Variants in TSPYL2 observed in about 807,000 individuals in gnomAD.
TSPYL2 encodes the protein testis-specific Y-encoded-like protein 2.
In TSPYL2, 9 loss-of-function variants were observed where a neutral mutation model predicts 33.0. That is an observed-to-expected ratio of 0.27 (90% CI 0.16 to 0.48). The LOEUF (loss-of-function observed/expected upper bound fraction) is 0.48. Among genes scored for constraint, TSPYL2 ranks in the 20% least tolerant of loss-of-function variants. The probability of loss-of-function intolerance (pLI) is 0.99; values close to 1 mark genes in which losing one functional copy is unlikely to be tolerated. For synonymous variants in TSPYL2, 330 were observed against 233.6 expected (o/e 1.41, Z -3.77); for missense variants, 636 against 586.2 (o/e 1.08, Z -0.88).
chrX:53,084,639 A>G lies in TSPYL2; in HGVS notation c.885+17A>G, dbSNP rs868989291. The G allele has an allele frequency of 5.8e-6, 7 of 1,201,116 alleles. No homozygotes were observed. Among genetic ancestry groups the G allele is most frequent in the South Asian group, 3.6e-5 (2 of 56,326 alleles). ...AATCTGCAGGTCAGGCCAGAGAGACATTTTTTAGTAGGATCGGGCACGAAT... is the reference window on the plus strand; with the variant it reads ...AATCTGCAGGTCAGGCCAGAGAGACGTTTTTTAGTAGGATCGGGCACGAAT... On this transcript the variant is annotated intron_variant, in intron 2 of 6. Coordinates refer to ENST00000375442, the MANE Select transcript of TSPYL2 (RefSeq NM_022117.4).
rs782126143 is a variant in TSPYL2, at chrX:53,082,711, C to A, written c.213C>A (p.Pro71=). The change falls in exon 1 of 7, where the codon CCC becomes CCA. Residue 71 remains proline (P), a synonymous_variant. Coordinates refer to ENST00000375442, the MANE Select transcript of TSPYL2 (RefSeq NM_022117.4). Reference sequence around the variant, plus strand: ...GGGTGGGACTGGGCCCCGCGCTGCCCCCGCCGCCTCCCTATGTCATTCTCG... The same window carrying A: ...GGGTGGGACTGGGCCCCGCGCTGCCACCGCCGCCTCCCTATGTCATTCTCG... ...MRGVGLGPAL[P]PPPPYVILEE... is the part of the protein sequence containing the mutation. 2 of 1,147,287 alleles carry A rather than the reference C, an allele frequency of 1.7e-6. No individual in the cohort carries two copies. Among genetic ancestry groups the A allele is most frequent in the Admixed American group, 5.9e-5 (2 of 33,640 alleles). 94.5% of individuals were successfully genotyped at this position (1,147,287 alleles called of 1,213,427 possible). A position where few individuals can be genotyped will look rare whatever the true frequency, so the allele number is the denominator to read the frequency against.
Position 53,086,136 on chromosome X carries a change from G to C in TSPYL2, c.1744G>C (p.Glu582Gln). ...EDNDGNEGDN[E>Q]GSDDDGNEGD... ...TAATGATGGCAACGAAGGTGACAAT[G>C]AGGGCAGTGATGATGATGGCAATGA... The change falls in exon 6 of 7, where the codon GAG (glutamate) becomes CAG (glutamine). Residue 582 changes from glutamate (E) to glutamine (Q), a missense_variant. Glu to Gln is a conservative substitution (Grantham distance 29, BLOSUM62 2). This residue lies in a region of TSPYL2 where 401 missense variants were observed against 363.0 expected (regional missense o/e 1.10). Coordinates refer to ENST00000375442, the MANE Select transcript of TSPYL2 (RefSeq NM_022117.4). The C allele has an allele frequency of 8.4e-7, 1 of 1,195,640 alleles. No homozygotes were observed. Among genetic ancestry groups the C allele is most frequent in the Non-Finnish European group, 1.1e-6 (1 of 887,127 alleles).
chrX:53,085,629 A>T lies in TSPYL2; in HGVS notation c.1239-2A>T, dbSNP rs901843971. Reference sequence around the variant, plus strand: ...TATACTCAGCCACAGCCTTCCTTACAGTAAAACCAGGGGCAGATGTGAGGT... The same window carrying T: ...TATACTCAGCCACAGCCTTCCTTACTGTAAAACCAGGGGCAGATGTGAGGT... On this transcript the variant is annotated splice_acceptor_variant, in intron 5 of 6. Coordinates refer to ENST00000375442, the MANE Select transcript of TSPYL2 (RefSeq NM_022117.4). LOFTEE classifies it high-confidence loss of function. 3.3e-6 allele frequency: 4 copies of T among 1,211,522 alleles called. No individual in the cohort carries two copies. The highest frequency in any genetic ancestry group is 1.8e-5 in the South Asian group (1 of 56,991).
At chrX:53,083,767 C>T (rs1192259465) in intron 1 of TSPYL2, among the ~76,000 whole-genome samples, 4 of 110,858 alleles carry the variant, frequency 3.6e-5, no homozygotes, top group South Asian at 3.8e-4. Flanking sequence ...TTGAGCCATA[C>T]AAGGCTCTGT....
At chrX:53,085,177 C>T (rs1279612680) in intron 4 of TSPYL2, 50 bp from the exon 5 acceptor site, 6 of 1,182,754 alleles carry the variant, frequency 5.1e-6, no homozygotes, top group South Asian at 3.7e-5. Flanking sequence ...AGAGGAGGAT[C>T]TGGAGCTTGT....
rs371692039 is a variant in TSPYL2 at position 53,087,770 on chromosome X, A to G, written c.1919-6A>G. ...ATTTCCCCTTCCTTGCTTCTCCCCTATGCAGGCATCCAGCAAGATGAGGAC... is the reference window on the plus strand; with the variant it reads ...ATTTCCCCTTCCTTGCTTCTCCCCTGTGCAGGCATCCAGCAAGATGAGGAC... On this transcript the variant is annotated splice_polypyrimidine_tract_variant and splice_region_variant and intron_variant, in intron 6 of 6. Transcript: ENST00000375442. The G allele has an allele frequency of 5.8e-5, 70 of 1,202,635 alleles. No homozygotes were observed. The highest frequency in any genetic ancestry group is 7.4e-5 in the Non-Finnish European group (66 of 890,783).
In TSPYL2 at chrX:53,083,101, G is replaced by A. The variant is rs782269786; in HGVS notation, c.603G>A (p.Lys201=). ...GGAGGAGGAAGCAGAGGAAGGTGAA[G>A]AGGGAAAGCAGAGAGAGAAATGCCG... The part of the protein sequence containing the change: ...RRRRRKQRKV[K]RESRERNAER... Residue 201 remains lysine, a synonymous_variant, in exon 1 of 7, where the codon AAG becomes AAA. Transcript: ENST00000375442. 7 of 1,207,482 alleles carry A rather than the reference G, an allele frequency of 5.8e-6. No homozygotes were observed. The highest frequency in any genetic ancestry group is 2.3e-4 in the Middle Eastern group (1 of 4,370).
rs1427976527 is a variant in TSPYL2, at chrX:53,085,754, C to T, written c.1362C>T (p.Asp454=). Residue 454 remains aspartate (D), a synonymous_variant, in exon 6 of 7, where the codon GAC becomes GAT. Coordinates refer to ENST00000375442, the MANE Select transcript of TSPYL2 (RefSeq NM_022117.4). The part of the protein sequence containing the change: ...DETIHDIKIS[D]FMETTDYFET... ...CAATTCATGACATCAAGATCTCTGA[C>T]TTCATGGAGACCACCGACTACTTCG... 8.3e-7 allele frequency: 1 copy of T among 1,211,411 alleles called. No homozygotes were observed. The highest frequency in any genetic ancestry group is 1.7e-5 in the African/African-American group (1 of 57,680).
rs782159478 is a variant in TSPYL2 at position 53,082,519 on chromosome X, G to A, written c.21G>A (p.Gly7=). 3.0e-5 allele frequency: 35 copies of A among 1,158,869 alleles called. No homozygotes were observed. The Admixed American group carries it at 6.9e-4, about 23-fold the overall frequency. The part of the protein sequence containing the change: MDRPDE[G]PPAKTRRLSS... ...TCGCCATGGACCGCCCAGATGAGGG[G>A]CCTCCGGCCAAGACCCGCCGCCTGA... is the stretch of plus-strand genomic sequence containing the variant. The change falls in exon 1 of 7, where the codon GGG becomes GGA. Residue 7 remains glycine (G), a synonymous_variant. Coordinates refer to ENST00000375442, the MANE Select transcript of TSPYL2 (RefSeq NM_022117.4).
At chrX:53,087,604 T>G (rs1388367964) in intron 6 of TSPYL2, 172 bp from the exon 7 acceptor site, 1 of 463,303 alleles carries the variant, frequency 2.2e-6, no homozygotes, top group Non-Finnish European at 3.7e-6. Flanking sequence ...GTGGGCTTGC[T>G]TGAGTACACC....
rs1569227313 is a variant in TSPYL2, at chrX:53,082,765, G to A, written c.267G>A (p.Thr89=). 1.7e-6 allele frequency: 2 copies of A among 1,188,502 alleles called. No individual in the cohort carries two copies. The highest frequency in any genetic ancestry group is 6.0e-5 in the East Asian group (2 of 33,253). The change falls in exon 1 of 7, where the codon ACG becomes ACA. Residue 89 remains threonine (T), a synonymous_variant. Transcript: ENST00000375442. Reference sequence around the variant, plus strand: ...AGGGGGGGATCCGCGCATACTTCACGCTCGGTGCTGAGTGTCCCGGCTGGG... The same window carrying A: ...AGGGGGGGATCCGCGCATACTTCACACTCGGTGCTGAGTGTCCCGGCTGGG... ...LEEGGIRAYF[T]LGAECPGWDS...
Position 53,086,184 on chromosome X carries a change from G to A in TSPYL2, c.1792G>A (p.Asp598Asn). 1 of 1,210,170 alleles carries A rather than the reference G, an allele frequency of 8.3e-7. No homozygotes were observed. The highest frequency in any genetic ancestry group is 1.1e-6 in the Non-Finnish European group (1 of 894,694). The stretch of plus-strand genomic sequence containing the variant: ...TGAAGGTGACAATGAAGGCAGCGAT[G>A]ATGACGACAGAGACATTGAGTACTA... ...GNEGDNEGSDDDDRDIEYYEK... is the reference protein window; with the variant it reads ...GNEGDNEGSDNDDRDIEYYEK... The change falls in exon 6 of 7, where the codon GAT becomes AAT. Residue 598 changes from aspartate to asparagine, a missense_variant. Transcript: ENST00000375442.
In TSPYL2 at chrX:53,088,231, A is replaced by G. The variant is rs1331279590; in HGVS notation, c.*292A>G. On this transcript the variant is annotated 3_prime_UTR_variant, in exon 7 of 7. Coordinates refer to ENST00000375442, the MANE Select transcript of TSPYL2 (RefSeq NM_022117.4). ...CAGGGCCCCTCTACCCACTTCTCCC[A>G]GTCAGTTGTGGCCCCAGCCCCTCTC... The G allele has an allele frequency of 1.0e-5, 3 of 295,862 alleles. No individual in the cohort carries two copies. The highest frequency in any genetic ancestry group is 1.8e-5 in the Non-Finnish European group (3 of 166,824). The allele number at this position is 295,862 out of a possible 1,213,427, so 24.4% of individuals were successfully genotyped here. A position where few individuals can be genotyped will look rare whatever the true frequency, so the allele number is the denominator to read the frequency against.
At chrX:53,085,587 C>T in intron 5 of TSPYL2, 44 bp from the exon 6 acceptor site, 2 of 1,168,148 alleles carry the variant, frequency 1.7e-6, no homozygotes, top group African/African-American at 1.8e-5. Flanking sequence ...TATGAGTACA[C>T]CACCTCCCAC....
Position 53,082,389 on chromosome X carries a change from T to G in TSPYL2, c.-110T>G. The G allele has an allele frequency of 2.2e-5, 16 of 735,017 alleles. No individual in the cohort carries two copies. Among genetic ancestry groups the G allele is most frequent in the Non-Finnish European group, 2.6e-5 (14 of 532,153 alleles). 60.6% of individuals were successfully genotyped at this position (735,017 alleles called of 1,213,427 possible). ...GCCAGAGCGAGGTGGTGAGGAGAGC[T>G]GGTTGCGTGAGTCTCCTCAGCTCTG... On this transcript the variant is annotated 5_prime_UTR_variant, in exon 1 of 7. Transcript: ENST00000375442.
At position 53,088,443 on chromosome X, in the gene TSPYL2, ATTGCGGTATTCT is replaced by A. The variant is rs199545161; in HGVS notation, c.*518_*529del. On this transcript the variant is annotated 3_prime_UTR_variant, in exon 7 of 7. Coordinates refer to ENST00000375442, the MANE Select transcript of TSPYL2 (RefSeq NM_022117.4). ...GGTGTCTATGCAAGGCCGCTTCGCC[ATTGCGGTATTCT>A]TTGCGGTATTCTTGTCCCCGTCCCC... 1,946 of 117,125 alleles carry A rather than the reference ATTGCGGTATTCT, an allele frequency of 0.017. 25 individuals are homozygous for A. The highest frequency in any genetic ancestry group is 0.05 in the Admixed American group (574 of 11,448). 9.7% of individuals were successfully genotyped at this position (117,125 alleles called of 1,213,427 possible).
chrX:53,082,697 G>T lies in TSPYL2; in HGVS notation c.199G>T (p.Gly67Cys). ...GGCCGATATGAGGGGGGTGGGACTG[G>T]GCCCCGCGCTGCCCCCGCCGCCTCC... ...VLADMRGVGL[G>C]PALPPPPPYV... The change falls in exon 1 of 7, where the codon GGC (glycine) becomes TGC (cysteine). Residue 67 changes from glycine (G) to cysteine (C), a missense_variant. Transcript: ENST00000375442. 8.7e-7 allele frequency: 1 copy of T among 1,143,890 alleles called. No homozygotes were observed. The highest frequency in any genetic ancestry group is 1.2e-6 in the Non-Finnish European group (1 of 865,872). The allele number at this position is 1,143,890 out of a possible 1,213,427, so 94.3% of individuals were successfully genotyped here. A position where few individuals can be genotyped will look rare whatever the true frequency, so the allele number is the denominator to read the frequency against.
chrX:53,084,617 C>T lies in TSPYL2; in HGVS notation c.880C>T (p.Leu294=), dbSNP rs782809817. The T allele has an allele frequency of 1.7e-6, 2 of 1,202,703 alleles. No individual in the cohort carries two copies. Among genetic ancestry groups the T allele is most frequent in the Non-Finnish European group, 1.1e-6 (1 of 891,003 alleles). ...AGACATTTTCCGCTACTTGACCAAT[C>T]TGCAGGTCAGGCCAGAGAGACATTT... ...DEDIFRYLTN[L]QVQDLRHISM... The change falls in exon 2 of 7, where the codon CTG becomes TTG. Residue 294 remains leucine, a synonymous_variant. Transcript: ENST00000375442.
chrX:53,084,470 T>C, intron 1 of TSPYL2, 75 bp from the exon 2 acceptor site: 1 of 901,735 alleles, frequency 1.1e-6, no homozygotes, highest in East Asian at 3.1e-5. Context: ...CCTCTCTTAC[T>C]GTGCCCTTCC....
Sources: gnomAD v4.1 joint callset for allele counts (sites outside exome capture counted in the v4.1 genomes callset) on GRCh38, gnomAD v4.1.1 for gene constraint, gnomAD v4.1.1 regional missense constraint, MANE v1.5 for transcripts, NCBI Gene and HGNC (gene_info 2026-07-23, HGNC 2026-07-21) for gene names.